The following NCAM1 variants were observed in gnomAD, a reference collection of about 807,000 sequenced individuals.
NCAM1 encodes neural cell adhesion molecule 1, also known as antigen recognized by monoclonal antibody 5.1H11.
Under a neutral mutation model 109.8 loss-of-function variants are expected in NCAM1, and 14 were observed. The ratio of observed to expected loss-of-function variants is 0.13; its 90% confidence interval spans 0.08 to 0.20. The LOEUF (loss-of-function observed/expected upper bound fraction) is 0.20, where lower values mean the gene tolerates loss of function less well. NCAM1 is among the 10% of genes least tolerant of loss of function. NCAM1 has a pLI of 1.00. For missense variants in NCAM1, 774 were observed against 1,109.9 expected (o/e 0.70, Z 4.30); for synonymous variants, 418 against 442.9 (o/e 0.94, Z 0.70).
chr11:113,031,917 T>G (rs1952733751), intron 1 of NCAM1, among the ~76,000 whole-genome samples: 1 of 152,156 alleles, frequency 6.6e-6, no homozygotes, highest in Admixed American at 6.5e-5. Flanking sequence ...ACTTTATTAC[T>G]GTATTATCAT....
At chr11:113,194,921 A>G (rs1382502248) in intron 1 of NCAM1, among the ~76,000 whole-genome samples, 8 of 152,196 alleles carry the variant, frequency 5.3e-5, no homozygotes, top group African/African-American at 1.9e-4. Flanking sequence ...TAGGAATGAG[A>G]TAGAATTCTT....
At chr11:113,154,759 G>C (rs1400724063) in intron 1 of NCAM1, among the ~76,000 whole-genome samples, 1 of 152,150 alleles carries the variant, frequency 6.6e-6, no homozygotes, top group Admixed American at 6.5e-5. Flanking sequence ...CTGAGAGATG[G>C]GACAGAATTG....
intron 1 of NCAM1, among the ~76,000 whole-genome samples, chr11:113,118,138 CA>C (rs1294828821): frequency 2.0e-5 from 3 of 151,874 alleles, no homozygotes; most frequent in Non-Finnish European, 2.9e-5. Context: ...CCACTTGAAT[CA>C]TTTTTTTTCT....
At chr11:112,972,848 A>G (rs1269210331) in intron 1 of NCAM1, among the ~76,000 whole-genome samples, 1 of 152,044 alleles carries the variant, frequency 6.6e-6, no homozygotes, top group Non-Finnish European at 1.5e-5. Context: ...ACACTTGGCA[A>G]AGAAAGAAGG....
chr11:113,248,360 T>C (rs1390603566), intron 15 of NCAM1, among the ~76,000 whole-genome samples: 1 of 152,160 alleles, frequency 6.6e-6, no homozygotes, highest in Non-Finnish European at 1.5e-5. Flanking sequence ...GAAGACTTAT[T>C]CAGGTGAGCC....
chr11:113,006,895 T>G (rs1396357286), intron 1 of NCAM1, among the ~76,000 whole-genome samples: 2 of 152,150 alleles, frequency 1.3e-5, no homozygotes, highest in African/African-American at 4.8e-5. Context: ...AGACCATAGC[T>G]GTGATATTTA....
In NCAM1 at chr11:113,277,642, TGTCAAAGTGGTTGTGGTTAG is replaced by T; in HGVS notation, c.*2262_*2281del. 1 of 388,222 alleles carries T rather than the reference TGTCAAAGTGGTTGTGGTTAG, an allele frequency of 2.6e-6. No homozygotes were observed. The highest frequency in any genetic ancestry group is 1.5e-4 in the South Asian group (1 of 6,886). 24.0% of individuals were successfully genotyped at this position (388,222 alleles called of 1,614,324 possible). A position where few individuals can be genotyped will look rare whatever the true frequency, so the allele number is the denominator to read the frequency against. ...AGCCCATGCCATACCTTGTCAAGAC[TGTCAAAGTGGTTGTGGTTAG>T]GTCAAACTGGTTTTGGTTCTGATGG... On this transcript the variant is annotated 3_prime_UTR_variant, in exon 20 of 20. Coordinates refer to ENST00000316851, the MANE Select transcript of NCAM1 (RefSeq NM_181351.5).
intron 1 of NCAM1, among the ~76,000 whole-genome samples, chr11:113,077,545 A>T (rs1364776689): frequency 1.3e-5 from 2 of 152,140 alleles, no homozygotes; most frequent in African/African-American, 4.8e-5. Context: ...TGTACTGACC[A>T]TACTCTATCA....
intron 1 of NCAM1, among the ~76,000 whole-genome samples, chr11:113,059,256 A>T (rs1463712896): frequency 6.6e-6 from 1 of 152,224 alleles, no homozygotes; most frequent in Non-Finnish European, 1.5e-5. Flanking sequence ...TCTTTTAAGG[A>T]TCTAACACCC....
intron 1 of NCAM1, among the ~76,000 whole-genome samples, chr11:112,970,933 C>T (rs1213902089): frequency 6.6e-6 from 1 of 152,050 alleles, no homozygotes; most frequent in Non-Finnish European, 1.5e-5. Context: ...GGAGAAAGAT[C>T]TTTGAAGTTA....
At position 113,278,289 on chromosome 11, in the gene NCAM1, C is replaced by CTTG. The variant is rs1207808814; in HGVS notation, c.*2905_*2907dup. On this transcript the variant is annotated 3_prime_UTR_variant, in exon 20 of 20. Coordinates refer to ENST00000316851, the MANE Select transcript of NCAM1 (RefSeq NM_181351.5). ...ATTCTGTACTTCGGGGGCCTTCTCT[C>CTTG]TTGTTATAAAACTTTTTACCAAGTG... 2 of 152,208 alleles carry CTTG rather than the reference C, an allele frequency of 1.3e-5. No homozygotes were observed. Among genetic ancestry groups the CTTG allele is most frequent in the East Asian group, 3.8e-4 (2 of 5,200 alleles). The allele number at this position is 152,208 out of a possible 1,614,324, so 9.4% of individuals were successfully genotyped here.
chr11:113,052,487 A>G (rs1953540355), intron 1 of NCAM1, among the ~76,000 whole-genome samples: 1 of 151,810 alleles, frequency 6.6e-6, no homozygotes, highest in Admixed American at 6.6e-5. Context: ...TGGGTTTCAC[A>G]TGGGACTCAA....
chr11:113,073,952 C>G (rs1938410522), intron 1 of NCAM1, among the ~76,000 whole-genome samples: 1 of 152,174 alleles, frequency 6.6e-6, no homozygotes, highest in Non-Finnish European at 1.5e-5. Flanking sequence ...GTGGCAGTGC[C>G]TAGCTGTTTT....
chr11:113,199,410 G>A (rs187761286), intron 1 of NCAM1, among the ~76,000 whole-genome samples: 136 of 152,200 alleles, frequency 8.9e-4, no homozygotes, highest in African/African-American at 3.0e-3. Flanking sequence ...TCAGTGCTTC[G>A]TGTTTGGGGA....
chr11:113,170,557 T>C (rs1244899980), intron 1 of NCAM1, among the ~76,000 whole-genome samples: 1 of 152,156 alleles, frequency 6.6e-6, no homozygotes, highest in Non-Finnish European at 1.5e-5. Context: ...TGGAGAATTG[T>C]GTTGAGGAAT....
chr11:113,227,074 T>C (rs1253818564), intron 9 of NCAM1, among the ~76,000 whole-genome samples: 2 of 151,932 alleles, frequency 1.3e-5, no homozygotes, highest in African/African-American at 4.8e-5. Flanking sequence ...AAGAAATAAC[T>C]AAGATCAGAG....
At chr11:113,219,532 A>G (rs1180891418) in intron 8 of NCAM1, among the ~76,000 whole-genome samples, 2 of 152,262 alleles carry the variant, frequency 1.3e-5, no homozygotes, top group Admixed American at 6.5e-5. Context: ...GATTTATTTC[A>G]TAAGTGTGTA....
At chr11:113,151,417 G>A (rs1464827631) in intron 1 of NCAM1, among the ~76,000 whole-genome samples, 1 of 152,204 alleles carries the variant, frequency 6.6e-6, no homozygotes, top group Admixed American at 6.5e-5. Flanking sequence ...AGCATTGCCT[G>A]TAAGTGAAAA....
At chr11:113,239,567 G>A (rs1049554068) in intron 14 of NCAM1, among the ~76,000 whole-genome samples, 2 of 145,630 alleles carry the variant, frequency 1.4e-5, no homozygotes, top group South Asian at 2.2e-4. Context: ...GTGCAGTGGC[G>A]GGATCTCGGC....
Sources: gnomAD v4.1 joint callset for allele counts (sites outside exome capture counted in the v4.1 genomes callset) on GRCh38, gnomAD v4.1.1 for gene constraint, MANE v1.5 for transcripts, NCBI Gene and HGNC (gene_info 2026-07-23, HGNC 2026-07-21) for gene names.